Variants in CACNA1C observed in about 807,000 individuals in gnomAD.
CACNA1C encodes calcium voltage-gated channel subunit alpha1 C.
A neutral mutation model predicts 229.0 loss-of-function variants in CACNA1C; 30 were observed. The observed-to-expected ratio is 0.13, with a 90% CI of 0.10 to 0.18. The LOEUF (loss-of-function observed/expected upper bound fraction) is 0.18, where lower values mean the gene tolerates loss of function less well. Ranked by LOEUF, CACNA1C falls within the 10% of genes least tolerant of loss-of-function variation. The pLI is 1.00. For synonymous variants in CACNA1C, 1,114 were observed against 1,132.5 expected, an observed-to-expected ratio of 0.98 and a Z score of 0.33; for missense variants, 1,658 against 2,845.0, an observed-to-expected ratio of 0.58 and a Z score of 9.49.
At chr12:2,448,934 C>G (rs777213515) in intron 3 of CACNA1C, 42 bp from the exon 4 acceptor site, 1 of 1,556,398 alleles carries the variant, frequency 6.4e-7, no homozygotes, top group Non-Finnish European at 8.8e-7. Flanking sequence ...AATCCCCAAA[C>G]CAATGACTTA....
chr12:2,235,114 G>C (rs1396914653), intron 3 of CACNA1C, among the ~76,000 whole-genome samples: 1 of 152,106 alleles, frequency 6.6e-6, no homozygotes, highest in Middle Eastern at 3.2e-3. Context: ...GTCTCTATAC[G>C]TGGCTCTCTG....
chr12:2,520,134 A>C (rs1250169309), intron 9 of CACNA1C, among the ~76,000 whole-genome samples: 1 of 149,446 alleles, frequency 6.7e-6, no homozygotes, highest in Admixed American at 6.7e-5. Context: ...AAGCCGTGAC[A>C]GTCTTCTCAT....
intron 3 of CACNA1C, among the ~76,000 whole-genome samples, chr12:2,256,633 A>G (rs1395787240): frequency 6.6e-6 from 1 of 152,204 alleles, no homozygotes; most frequent in Non-Finnish European, 1.5e-5. Context: ...CAGGACGTAA[A>G]GCAGATGGCG....
chr12:2,349,276 G>C (rs1452603065), intron 3 of CACNA1C, among the ~76,000 whole-genome samples: 1 of 152,224 alleles, frequency 6.6e-6, no homozygotes, highest in Non-Finnish European at 1.5e-5. Flanking sequence ...GGTCCTGTGT[G>C]AGTGGAACCT....
rs1042379373 is a variant in CACNA1C at position 2,537,996 on chromosome 12, C to G, written c.1391-11947C>G. ...CGGCCCCATCCACCTCCCCGCCAACCCGGCAGCAATAACCAAGGCAGCCTG... is the reference window on the plus strand; with the variant it reads ...CGGCCCCATCCACCTCCCCGCCAACGCGGCAGCAATAACCAAGGCAGCCTG... On this transcript the variant is annotated intron_variant, in intron 9 of 46. Transcript: ENST00000399655. Among the ~76,000 whole-genome samples the G allele has an allele frequency of 1.6e-4, 24 of 152,246 alleles. No homozygotes were observed. In the South Asian group the frequency reaches 2.3e-3, roughly 14 times the overall value.
intron 3 of CACNA1C, among the ~76,000 whole-genome samples, chr12:2,184,921 T>C (rs943835319): frequency 6.6e-6 from 1 of 152,204 alleles, no homozygotes; most frequent in African/African-American, 2.4e-5. Flanking sequence ...TCTGGGTATT[T>C]AGTCATTTAG....
intron 3 of CACNA1C, among the ~76,000 whole-genome samples, chr12:2,247,734 T>C (rs570581918): frequency 2.6e-5 from 4 of 152,380 alleles, no homozygotes; most frequent in Admixed American, 6.5e-5. Flanking sequence ...CCTTCTAAAA[T>C]TCTGGATTCT....
At chr12:2,561,178 C>A (rs2047282659) in intron 11 of CACNA1C, among the ~76,000 whole-genome samples, 1 of 152,212 alleles carries the variant, frequency 6.6e-6, no homozygotes, top group African/African-American at 2.4e-5. Flanking sequence ...GTGTAAGACA[C>A]AACCCGATTC....
At chr12:2,235,190 C>G (rs2066869607) in intron 3 of CACNA1C, among the ~76,000 whole-genome samples, 1 of 152,090 alleles carries the variant, frequency 6.6e-6, no homozygotes, top group East Asian at 1.9e-4. Context: ...TAAACACTGT[C>G]TGTGGTACAG....
intron 1 of CACNA1C, among the ~76,000 whole-genome samples, chr12:2,003,421 T>C (rs111465510): frequency 2.0e-5 from 3 of 152,222 alleles, no homozygotes; most frequent in East Asian, 3.8e-4. Context: ...TGATACATAA[T>C]GGATGATGAA....
chr12:2,107,792 T>A (rs2238027), intron 1 of CACNA1C, among the ~76,000 whole-genome samples: 1 of 152,050 alleles, frequency 6.6e-6, no homozygotes, highest in Non-Finnish European at 1.5e-5. Flanking sequence ...ATTCATTCGC[T>A]ATTGCCTTTT....
rs1319241844 is a variant in CACNA1C at position 2,597,300 on chromosome 12, C to T, written c.2853+11C>T. 2.6e-5 allele frequency: 42 copies of T among 1,602,816 alleles called. No individual in the cohort carries two copies. The highest frequency in any genetic ancestry group is 3.0e-5 in the Non-Finnish European group (35 of 1,169,996). On this transcript the variant is annotated intron_variant, in intron 21 of 46. Transcript: ENST00000399655. The surrounding 1 kb of genome is among the most constrained non-coding windows in gnomAD (Gnocchi z 4.3). Reference sequence around the variant, plus strand: ...GAAATTGCTCTGAAGGTAAAGCCCCCATCCCCTTCTGCTCCTCCTGTCCCC... The same window carrying T: ...GAAATTGCTCTGAAGGTAAAGCCCCTATCCCCTTCTGCTCCTCCTGTCCCC...
chr12:2,606,426 GC>G (rs957409779), intron 24 of CACNA1C, among the ~76,000 whole-genome samples, 184 bp from the exon 25 acceptor site: 1 of 152,050 alleles, frequency 6.6e-6, no homozygotes, highest in Non-Finnish European at 1.5e-5. Context: ...AGTGCTACTT[GC>G]AGCACTGGCG....
At chr12:2,199,021 T>C (rs1294978407) in intron 3 of CACNA1C, among the ~76,000 whole-genome samples, 1 of 152,206 alleles carries the variant, frequency 6.6e-6, no homozygotes, top group African/African-American at 2.4e-5. Flanking sequence ...CTTTTTGAGA[T>C]ACATCGAGTG....
chr12:2,136,674 A>G lies in CACNA1C; in HGVS notation c.477+16244A>G, dbSNP rs143349532. Among the ~76,000 whole-genome samples the G allele has an allele frequency of 3.0e-3, 448 of 151,152 alleles. 7 individuals carry two copies. Among genetic ancestry groups the G allele is most frequent in the African/African-American group, 0.01 (427 of 41,428 alleles). ...TCTGTAGGGGTCCTGGGGGCATGCC[A>G]TGGAGCCCCCAGGCCATGCCATTTG... On this transcript the variant is annotated intron_variant, in intron 3 of 46. Transcript: ENST00000399655.
intron 1 of CACNA1C, among the ~76,000 whole-genome samples, chr12:2,036,793 C>CCCT (rs2154493478): frequency 6.6e-6 from 1 of 152,254 alleles, no homozygotes; most frequent in Non-Finnish European, 1.5e-5. Flanking sequence ...AAAGCAAATG[C>CCCT]CCTAGGAAGG....
chr12:2,079,830 G>A (rs1244642662), intron 1 of CACNA1C, among the ~76,000 whole-genome samples: 1 of 152,184 alleles, frequency 6.6e-6, no homozygotes, highest in Non-Finnish European at 1.5e-5. Flanking sequence ...AAAATAAGCA[G>A]TCCAGGCTGA....
At chr12:2,242,261 A>C (rs1311360267) in intron 3 of CACNA1C, among the ~76,000 whole-genome samples, 4 of 152,252 alleles carry the variant, frequency 2.6e-5, no homozygotes, top group African/African-American at 7.2e-5. Flanking sequence ...ACACAGGTGC[A>C]GGAGGAGTCT....
chr12:2,096,485 A>G (rs940542224), intron 1 of CACNA1C, among the ~76,000 whole-genome samples: 10 of 152,210 alleles, frequency 6.6e-5, no homozygotes, highest in Admixed American at 3.3e-4. Flanking sequence ...TCCTGAGGAC[A>G]GACCTCTTTC....
Sources: gnomAD v4.1 joint callset for allele counts (sites outside exome capture counted in the v4.1 genomes callset) on GRCh38, gnomAD v4.1.1 for gene constraint, Gnocchi (gnomAD v3.1) non-coding constraint, MANE v1.5 for transcripts, NCBI Gene and HGNC (gene_info 2026-07-23, HGNC 2026-07-21) for gene names.